The following LEKR1 variants were observed in gnomAD, a reference collection of about 807,000 sequenced individuals.
The protein encoded by LEKR1 is protein LEKR1.
In LEKR1, 59 loss-of-function variants were observed where a neutral mutation model predicts 72.4. That is an observed-to-expected ratio of 0.82 (90% CI 0.66 to 1.01). The LOEUF is 1.01. LEKR1 is among the 50% of genes least tolerant of loss of function. The probability of loss-of-function intolerance (pLI) is 0.00; values close to 1 mark genes in which losing one functional copy is unlikely to be tolerated. For missense variants in LEKR1, 728 were observed against 759.2 expected (o/e 0.96, Z 0.48); for synonymous variants, 257 against 263.2 (o/e 0.98, Z 0.23).
At chr3:156,963,809 A>C (rs1728326989) in intron 6 of LEKR1, among the ~76,000 whole-genome samples, 1 of 152,220 alleles carries the variant, frequency 6.6e-6, no homozygotes, top group African/African-American at 2.4e-5. Context: ...GCTACTAATC[A>C]GCAGAACTGG....
At chr3:156,971,107 A>C (rs1042994147) in intron 6 of LEKR1, among the ~76,000 whole-genome samples, 2 of 152,228 alleles carry the variant, frequency 1.3e-5, no homozygotes, top group African/African-American at 4.8e-5. Flanking sequence ...AGGCTACAGT[A>C]AACAAAACAG....
At chr3:156,869,938 C>T (rs1304760970) in intron 3 of LEKR1, among the ~76,000 whole-genome samples, 1 of 152,030 alleles carries the variant, frequency 6.6e-6, no homozygotes, top group Non-Finnish European at 1.5e-5. Context: ...CCCAATTTTC[C>T]CGGTACCATT....
chr3:157,002,424 G>T, intron 9 of LEKR1, among the ~76,000 whole-genome samples: 1 of 151,942 alleles, frequency 6.6e-6, no homozygotes. Context: ...CAGCCCCATG[G>T]TTGTACTGTA....
chr3:156,928,079 T>G (rs1416717790), intron 5 of LEKR1, among the ~76,000 whole-genome samples: 2 of 151,978 alleles, frequency 1.3e-5, no homozygotes, highest in African/African-American at 4.8e-5. Flanking sequence ...TCCAACTATA[T>G]GACATTCTGG....
chr3:156,854,137 C>CTTTTTTTT (rs370896609), intron 3 of LEKR1, among the ~76,000 whole-genome samples: 1 of 108,228 alleles, frequency 9.2e-6, no homozygotes, highest in Non-Finnish European at 1.9e-5. Flanking sequence ...GTAAAAATCA[C>CTTTTTTTT]TTTTTTTTTT....
rs1263227295 is a variant in LEKR1, at chr3:156,979,212, A to G, written c.764A>G (p.Glu255Gly). 10 of 1,282,184 alleles carry G rather than the reference A, an allele frequency of 7.8e-6. No individual in the cohort carries two copies. Among genetic ancestry groups the G allele is most frequent in the Non-Finnish European group, 9.2e-6 (9 of 980,952 alleles). 79.4% of individuals were successfully genotyped at this position (1,282,184 alleles called of 1,614,324 possible). The change falls in exon 7 of 13, where the codon GAG becomes GGG. Residue 255 changes from glutamate (E) to glycine (G), a missense_variant. Glu to Gly is a moderately conservative substitution (Grantham distance 98, BLOSUM62 -2). Coordinates refer to ENST00000356539, the MANE Select transcript of LEKR1 (RefSeq NM_001004316.3). ...ATTTCAGATTTACAATGTCTAGTAG[A>G]GGCACTTGGATTAAAACTTCAGAAG... ...KEVLDLQCLV[E>G]ALGLKLQKAV...
intron 12 of LEKR1, among the ~76,000 whole-genome samples, chr3:157,035,030 A>T (rs1447398808): frequency 6.6e-6 from 1 of 152,228 alleles, no homozygotes; most frequent in Non-Finnish European, 1.5e-5. Context: ...CTCCACCAGC[A>T]GAAGATACAA....
chr3:156,889,737 G>C (rs576789542), intron 3 of LEKR1, among the ~76,000 whole-genome samples: 23 of 152,130 alleles, frequency 1.5e-4, no homozygotes, highest in Non-Finnish European at 2.6e-4. Context: ...CTTTTTCTTG[G>C]TAATGTCATT....
intron 6 of LEKR1, among the ~76,000 whole-genome samples, chr3:156,957,045 G>A (rs1418039005): frequency 6.6e-6 from 1 of 151,904 alleles, no homozygotes; most frequent in Non-Finnish European, 1.5e-5. Flanking sequence ...AGAAATGTTT[G>A]TGATTAGTTA....
intron 4 of LEKR1, among the ~76,000 whole-genome samples, chr3:156,921,666 AG>A: frequency 6.6e-6 from 1 of 152,262 alleles, no homozygotes; most frequent in Middle Eastern, 3.4e-3. Context: ...TATTTTAATC[AG>A]GACTATCAGT....
chr3:156,838,248 C>A (rs1159141060), intron 2 of LEKR1, among the ~76,000 whole-genome samples: 1 of 152,168 alleles, frequency 6.6e-6, no homozygotes, highest in Admixed American at 6.5e-5. Flanking sequence ...GTTCATGGCT[C>A]ACAGAATGTG....
chr3:156,887,233 C>T (rs1720199736), intron 3 of LEKR1, among the ~76,000 whole-genome samples: 1 of 150,810 alleles, frequency 6.6e-6, no homozygotes, highest in African/African-American at 2.4e-5. Context: ...ATCTGAGTTT[C>T]TGGTGTAACA....
At chr3:156,873,432 T>A (rs1718196444) in intron 3 of LEKR1, among the ~76,000 whole-genome samples, 3 of 152,090 alleles carry the variant, frequency 2.0e-5, no homozygotes, top group African/African-American at 7.2e-5. Context: ...ATTATTGATA[T>A]GCAAAGGCAT....
intron 4 of LEKR1, among the ~76,000 whole-genome samples, chr3:156,927,057 G>A (rs1724786157): frequency 6.6e-6 from 1 of 151,890 alleles, no homozygotes; most frequent in Non-Finnish European, 1.5e-5. Flanking sequence ...GACAAATGCT[G>A]TATAAGACTT....
At chr3:156,889,418 G>A (rs1001880271) in intron 3 of LEKR1, among the ~76,000 whole-genome samples, 1 of 151,968 alleles carries the variant, frequency 6.6e-6, no homozygotes, top group African/African-American at 2.4e-5. Context: ...ATAATTTGCT[G>A]TGGGTGCTAG....
intron 6 of LEKR1, among the ~76,000 whole-genome samples, chr3:156,945,256 TA>T (rs762705519): frequency 4.0e-4 from 61 of 151,866 alleles, no homozygotes; most frequent in Non-Finnish European, 7.5e-4. Context: ...CCCATTTGTT[TA>T]AATCAGGTTA....
Position 157,045,685 on chromosome 3 carries a change from T to C in LEKR1, c.2014T>C (p.Ser672Pro). The C allele has an allele frequency of 1.2e-6, 2 of 1,613,760 alleles. No homozygotes were observed. Among genetic ancestry groups the C allele is most frequent in the Non-Finnish European group, 1.7e-6 (2 of 1,180,010 alleles). ...PQPHPPRGGA[S>P]SANETRQRLA... Reference sequence around the variant, plus strand: ...GCCACATCCTCCCAGGGGTGGAGCATCTTCAGCAAATGAGACTAGACAGAG... The same window carrying C: ...GCCACATCCTCCCAGGGGTGGAGCACCTTCAGCAAATGAGACTAGACAGAG... The change falls in exon 13 of 13, where the codon TCT becomes CCT. Residue 672 changes from serine to proline, a missense_variant. Ser to Pro is a moderately conservative substitution (Grantham distance 74, BLOSUM62 -1). Coordinates refer to ENST00000356539, the MANE Select transcript of LEKR1 (RefSeq NM_001004316.3).
At chr3:156,902,242 TATG>T (rs1722111306) in intron 3 of LEKR1, among the ~76,000 whole-genome samples, 1 of 152,170 alleles carries the variant, frequency 6.6e-6, no homozygotes, top group South Asian at 2.1e-4. Context: ...CTGTGCACAT[TATG>T]GAATACTTGG....
chr3:156,943,398 C>T (rs192622456), intron 6 of LEKR1, among the ~76,000 whole-genome samples: 4 of 151,884 alleles, frequency 2.6e-5, no homozygotes, highest in Admixed American at 6.6e-5. Flanking sequence ...TTTTTAAGTC[C>T]TAAGTGTGCT....
Sources: gnomAD v4.1 joint callset for allele counts (sites outside exome capture counted in the v4.1 genomes callset) on GRCh38, gnomAD v4.1.1 for gene constraint, MANE v1.5 for transcripts, NCBI Gene and HGNC (gene_info 2026-07-23, HGNC 2026-07-21) for gene names.